The following CTNNA3 variants were observed in gnomAD, a reference collection of about 807,000 sequenced individuals.
CTNNA3 encodes the protein catenin alpha 3.
Under a neutral mutation model 95.7 loss-of-function variants are expected in CTNNA3, and 76 were observed. That is an observed-to-expected ratio of 0.79 (90% CI 0.66 to 0.96). The LOEUF is 0.96. Among genes scored for constraint, CTNNA3 ranks in the 40% least tolerant of loss-of-function variants. The pLI is 0.00. For missense variants in CTNNA3, 1,191 were observed against 1,089.8 expected, an observed-to-expected ratio of 1.09 and a Z score of -1.31; for synonymous variants, 431 against 374.4, an observed-to-expected ratio of 1.15 and a Z score of -1.74.
intron 12 of CTNNA3, among the ~76,000 whole-genome samples, chr10:66,296,585 AGAT>A (rs2091781426): frequency 1.4e-5 from 2 of 144,596 alleles, no homozygotes; most frequent in African/African-American, 2.6e-5. Flanking sequence ...ACACACACAC[AGAT>A]CTATATATCT....
intron 1 of CTNNA3, among the ~76,000 whole-genome samples, chr10:67,737,200 G>A (rs1841307657): frequency 6.6e-6 from 1 of 151,808 alleles, no homozygotes; most frequent in Non-Finnish European, 1.5e-5. Context: ...AAGAAACCAT[G>A]GAAACTTCAC....
chr10:67,744,525 TG>T (rs1190702994), intron 1 of CTNNA3, among the ~76,000 whole-genome samples: 2 of 151,072 alleles, frequency 1.3e-5, no homozygotes, highest in Non-Finnish European at 3.0e-5. Flanking sequence ...AAGACTTACA[TG>T]TTAGACCTAA....
At chr10:67,526,279 T>C (rs1264521134) in intron 4 of CTNNA3, among the ~76,000 whole-genome samples, 1 of 151,666 alleles carries the variant, frequency 6.6e-6, no homozygotes, top group African/African-American at 2.4e-5. Flanking sequence ...TACAAGATGA[T>C]AATACCACTC....
intron 5 of CTNNA3, among the ~76,000 whole-genome samples, chr10:67,233,231 C>T (rs1228556831): frequency 2.6e-5 from 4 of 152,192 alleles, no homozygotes; most frequent in South Asian, 2.1e-4. Flanking sequence ...CCACACCACA[C>T]CTATTCCAAA....
At chr10:65,936,390 C>T (rs185147297) in intron 17 of CTNNA3, among the ~76,000 whole-genome samples, 23 of 152,038 alleles carry the variant, frequency 1.5e-4, no homozygotes, top group African/African-American at 4.6e-4. Flanking sequence ...TTTGTATTAA[C>T]GCTATAAAAG....
chr10:67,206,551 GGAA>G (rs1237405752), intron 6 of CTNNA3, among the ~76,000 whole-genome samples: 2 of 151,656 alleles, frequency 1.3e-5, no homozygotes, highest in South Asian at 2.1e-4. Flanking sequence ...GGGAAATTGT[GGAA>G]GAAGAAGGGA....
intron 9 of CTNNA3, among the ~76,000 whole-genome samples, chr10:66,632,465 G>A (rs1340988025): frequency 1.4e-5 from 2 of 147,238 alleles, no homozygotes; most frequent in Admixed American, 7.0e-5. Flanking sequence ...CGAGGCAGGA[G>A]AATCGCTTGA....
intron 15 of CTNNA3, among the ~76,000 whole-genome samples, chr10:66,041,233 A>C (rs907203596): frequency 2.6e-5 from 4 of 152,302 alleles, no homozygotes; most frequent in African/African-American, 9.6e-5. Flanking sequence ...GTATTCTTTA[A>C]AAGTGGCAAG....
intron 7 of CTNNA3, among the ~76,000 whole-genome samples, chr10:67,105,235 T>TGATAGATA (rs56678810): frequency 0.024 from 3,559 of 150,624 alleles, 102 homozygotes; most frequent in African/African-American, 0.063. Flanking sequence ...ACATATTAAA[T>TGATAGATA]GATAGATAGA....
chr10:66,553,075 A>G (rs1283410246), intron 10 of CTNNA3, among the ~76,000 whole-genome samples: 2 of 151,834 alleles, frequency 1.3e-5, no homozygotes, highest in Non-Finnish European at 2.9e-5. Flanking sequence ...CTTAAATTCT[A>G]TTTTCTCTAT....
intron 1 of CTNNA3, among the ~76,000 whole-genome samples, chr10:67,738,158 A>C (rs1384218350): frequency 7.9e-5 from 12 of 152,198 alleles, no homozygotes; most frequent in Admixed American, 7.8e-4. Flanking sequence ...ACAGGAAACA[A>C]CACAACACCA....
At chr10:66,535,861 G>A (rs1386159008) in intron 10 of CTNNA3, among the ~76,000 whole-genome samples, 1 of 152,050 alleles carries the variant, frequency 6.6e-6, no homozygotes, top group Admixed American at 6.6e-5. Context: ...AAGGAATCAA[G>A]GACAGTCTCA....
chr10:66,728,227 T>C (rs1589177560), intron 9 of CTNNA3, among the ~76,000 whole-genome samples: 1 of 152,192 alleles, frequency 6.6e-6, no homozygotes, highest in East Asian at 1.9e-4. Context: ...ATGTGGCTAA[T>C]TTCAGGAGAA....
chr10:66,535,473 C>T (rs1645962854), intron 10 of CTNNA3, among the ~76,000 whole-genome samples: 1 of 152,032 alleles, frequency 6.6e-6, no homozygotes, highest in African/African-American at 2.4e-5. Context: ...TAGTAGGACA[C>T]AAAGCTATGA....
chr10:66,059,602 C>T (rs1447262737), intron 15 of CTNNA3, among the ~76,000 whole-genome samples: 1 of 151,956 alleles, frequency 6.6e-6, no homozygotes, highest in Non-Finnish European at 1.5e-5. Context: ...TCCTTGTTCT[C>T]CTCAATTCTT....
chr10:66,803,960 GTT>G (rs199784517), intron 7 of CTNNA3, among the ~76,000 whole-genome samples: 8 of 135,050 alleles, frequency 5.9e-5, no homozygotes, highest in Admixed American at 1.5e-4. Context: ...GATGCCAGTT[GTT>G]TTTTTTTTTT....
At chr10:66,436,174 G>A (rs935716809) in intron 11 of CTNNA3, among the ~76,000 whole-genome samples, 2 of 152,100 alleles carry the variant, frequency 1.3e-5, no homozygotes, top group African/African-American at 4.8e-5. Context: ...GGAGAGTTTG[G>A]TAGATGTCTA....
chr10:67,018,817 T>G (rs552224224), intron 7 of CTNNA3, among the ~76,000 whole-genome samples: 1 of 152,366 alleles, frequency 6.6e-6, no homozygotes, highest in East Asian at 1.9e-4. Context: ...GTGTTGTGTA[T>G]AAATATTAGA....
chr10:67,247,730 A>C (rs891493052), intron 5 of CTNNA3, among the ~76,000 whole-genome samples: 84 of 152,174 alleles, frequency 5.5e-4, no homozygotes, highest in Non-Finnish European at 9.4e-4. Flanking sequence ...ACAAAGAGCA[A>C]TGTTGGAAGA....
Sources: allele counts gnomAD v4.1 joint callset (sites outside exome capture counted in the v4.1 genomes callset), GRCh38; gene constraint gnomAD v4.1.1; transcripts MANE v1.5; gene names NCBI Gene and HGNC (gene_info 2026-07-23, HGNC 2026-07-21).